The following DCDC2 variants were observed in gnomAD, a reference collection of about 807,000 sequenced individuals.
DCDC2 encodes doublecortin domain-containing protein 2.
In DCDC2, 40 loss-of-function variants were observed where a neutral mutation model predicts 50.2. That is an observed-to-expected ratio of 0.80 (90% CI 0.62 to 1.04). The LOEUF (loss-of-function observed/expected upper bound fraction) is 1.04, where lower values mean the gene tolerates loss of function less well. Among genes scored for constraint, DCDC2 ranks in the 50% least tolerant of loss-of-function variants. The pLI, the probability that DCDC2 is intolerant of heterozygous loss-of-function variation, is 0.00. For missense variants in DCDC2, 570 were observed against 581.9 expected (o/e 0.98, Z 0.21); for synonymous variants, 234 against 210.6 (o/e 1.11, Z -0.96).
At chr6:24,231,947 T>C (rs1219059144) in intron 7 of DCDC2, among the ~76,000 whole-genome samples, 1 of 151,946 alleles carries the variant, frequency 6.6e-6, no homozygotes, top group African/African-American at 2.4e-5. Context: ...ATACTCCCTT[T>C]CAAAAATGAC....
rs1465337362 is a variant in DCDC2, at chr6:24,220,845, T to C, written c.923-15743A>G. 2.5e-4 allele frequency among the ~76,000 whole-genome samples: 5 copies of C among 20,320 alleles called. No individual in the cohort carries two copies. In the South Asian group the frequency reaches 3.1e-3, roughly 12 times the overall value. The allele number at this position is 20,320 out of a possible 152,430, so 13.3% of individuals were successfully genotyped here. ...AAGGGGAAGCAAGTCACATCTTACATGGCGGCAGGAGAGAGACAGAGAGCA... is the reference window on the plus strand; with the variant it reads ...AAGGGGAAGCAAGTCACATCTTACACGGCGGCAGGAGAGAGACAGAGAGCA... On this transcript the variant is annotated intron_variant, in intron 7 of 9. Coordinates refer to ENST00000378454, the MANE Select transcript of DCDC2 (RefSeq NM_016356.5).
intron 6 of DCDC2, among the ~76,000 whole-genome samples, chr6:24,281,132 T>C (rs1170801889): frequency 2.0e-5 from 3 of 152,134 alleles, no homozygotes; most frequent in Admixed American, 6.5e-5. Context: ...ATCAAATTTC[T>C]GATAAAGACA....
At chr6:24,223,957 T>C (rs1309927351) in intron 7 of DCDC2, among the ~76,000 whole-genome samples, 2 of 152,244 alleles carry the variant, frequency 1.3e-5, no homozygotes, top group South Asian at 2.1e-4. Context: ...TTTCTATTTC[T>C]AATGACCTTG....
Position 24,174,430 on chromosome 6 carries a change from A to T in DCDC2, c.*300T>A. ...AACTTATAATAAAGCGTACAATAAG[A>T]GTGATCCTATTTTTCATCCTTTACA... On this transcript the variant is annotated 3_prime_UTR_variant, in exon 10 of 10. Coordinates refer to ENST00000378454, the MANE Select transcript of DCDC2 (RefSeq NM_016356.5). The T allele has an allele frequency of 4.9e-6, 1 of 202,716 alleles. No individual in the cohort carries two copies. Among genetic ancestry groups the T allele is most frequent in the Non-Finnish European group, 9.6e-6 (1 of 103,628 alleles). The allele number at this position is 202,716 out of a possible 1,614,324, so 12.6% of individuals were successfully genotyped here.
At chr6:24,218,697 C>G (rs1381061308) in intron 7 of DCDC2, among the ~76,000 whole-genome samples, 1 of 152,158 alleles carries the variant, frequency 6.6e-6, no homozygotes, top group African/African-American at 2.4e-5. Flanking sequence ...CTACATTGCC[C>G]AGGCTGGTCC....
intron 7 of DCDC2, among the ~76,000 whole-genome samples, chr6:24,206,223 T>C (rs1282872414): frequency 6.6e-6 from 1 of 152,140 alleles, no homozygotes; most frequent in Non-Finnish European, 1.5e-5. Context: ...GCCTAAGATA[T>C]GAATGAAATG....
At chr6:24,377,326 T>G in the DCDC2 span, among the ~76,000 whole-genome samples, 1 of 152,200 alleles carries the variant, frequency 6.6e-6, no homozygotes, top group Non-Finnish European at 1.5e-5. Flanking sequence ...TGCTCAATAT[T>G]TATTGGTAAT....
At chr6:24,358,899 A>ATATATT (rs1561788477), upstream of DCDC2, among the ~76,000 whole-genome samples, 212 of 21,492 alleles carry the variant, frequency 9.9e-3, 9 homozygotes, top group African/African-American at 0.043. Flanking sequence ...TTATATATAT[A>ATATATT]ATATATTATA....
intron 7 of DCDC2, among the ~76,000 whole-genome samples, chr6:24,277,617 T>G (rs1268545900): frequency 6.6e-6 from 1 of 152,216 alleles, no homozygotes; most frequent in African/African-American, 2.4e-5. Context: ...TATGTCTATT[T>G]AGTGTTCTCT....
intron 7 of DCDC2, among the ~76,000 whole-genome samples, chr6:24,245,410 A>C (rs1207482016): frequency 6.6e-6 from 1 of 152,182 alleles, no homozygotes; most frequent in African/African-American, 2.4e-5. Flanking sequence ...AAGTAGAAAG[A>C]AAGCTTGGCA....
Position 24,278,138 on chromosome 6 carries a change from C to T in DCDC2, c.833G>A (p.Gly278Glu). The part of the protein sequence containing the change: ...NSSPQPLKRK[G>E]KKEDVNSEKL... ...TTCTGAATTCACGTCTTCTTTTTTC[C>T]CTTTCCTCTTCAGGGGCTGAGGAGA... The change falls in exon 7 of 10, where the codon GGG becomes GAG. Residue 278 changes from glycine to glutamate, a missense_variant. Coordinates refer to ENST00000378454, the MANE Select transcript of DCDC2 (RefSeq NM_016356.5). 1 of 1,613,272 alleles carries T rather than the reference C, an allele frequency of 6.2e-7. No homozygotes were observed. Among genetic ancestry groups the T allele is most frequent in the Non-Finnish European group, 8.5e-7 (1 of 1,179,668 alleles).
intron 7 of DCDC2, among the ~76,000 whole-genome samples, chr6:24,254,755 A>C (rs558203620): frequency 4.6e-5 from 7 of 152,304 alleles, no homozygotes. Flanking sequence ...TATCAAAAAA[A>C]TAAAATATCA....
At chr6:24,346,998 A>G (rs1314662684) in intron 2 of DCDC2, among the ~76,000 whole-genome samples, 1 of 152,186 alleles carries the variant, frequency 6.6e-6, no homozygotes, top group African/African-American at 2.4e-5. Flanking sequence ...TAAGCAATGG[A>G]GATTCAAGCC....
At position 24,229,688 on chromosome 6, in the gene DCDC2, C is replaced by T. The variant is rs375662564; in HGVS notation, c.923-24586G>A. 2.2e-4 allele frequency among the ~76,000 whole-genome samples: 34 copies of T among 152,272 alleles called. 1 individual carries two copies. The highest frequency in any genetic ancestry group is 3.4e-3 in the Middle Eastern group (1 of 294). On this transcript the variant is annotated intron_variant, in intron 7 of 9. Coordinates refer to ENST00000378454, the MANE Select transcript of DCDC2 (RefSeq NM_016356.5). ...CTTCAGAATGCTCAAATTCTAATGACTTTTTAAAAATCCTCAACACTTATG... is the reference window on the plus strand; with the variant it reads ...CTTCAGAATGCTCAAATTCTAATGATTTTTTAAAAATCCTCAACACTTATG...
chr6:24,342,478 G>A (rs956257047), intron 2 of DCDC2, among the ~76,000 whole-genome samples: 5 of 152,340 alleles, frequency 3.3e-5, no homozygotes, highest in African/African-American at 1.2e-4. Context: ...GAGTGTGGCA[G>A]CTGGGCAGCG....
intron 6 of DCDC2, among the ~76,000 whole-genome samples, chr6:24,283,371 G>GCTCCCTGACCAACTCAGTTACGCAC (rs3840136): frequency 0.12 from 17,892 of 151,828 alleles, 1,067 homozygotes; most frequent in East Asian, 0.16. Context: ...CATTCCCCAG[G>GCTCCCTGACCAACTCAGTTACGCAC]CTCCCTGACC....
chr6:24,280,980 G>C (rs1763456937), intron 6 of DCDC2, among the ~76,000 whole-genome samples: 1 of 152,148 alleles, frequency 6.6e-6, no homozygotes, highest in Non-Finnish European at 1.5e-5. Flanking sequence ...CTGTAGCTCA[G>C]CAGGATCATT....
chr6:24,308,273 A>G (rs1314129067), intron 2 of DCDC2, among the ~76,000 whole-genome samples: 1 of 152,232 alleles, frequency 6.6e-6, no homozygotes, highest in African/African-American at 2.4e-5. Flanking sequence ...AATCTCACCA[A>G]TATTAACTCC....
chr6:24,235,583 T>C (rs535481689), intron 7 of DCDC2, among the ~76,000 whole-genome samples: 3 of 152,188 alleles, frequency 2.0e-5, no homozygotes, highest in Non-Finnish European at 4.4e-5. Context: ...TAAAAGCTTT[T>C]GATCAAAATC....
Sources: allele counts gnomAD v4.1 joint callset (sites outside exome capture counted in the v4.1 genomes callset), GRCh38; gene constraint gnomAD v4.1.1; transcripts MANE v1.5; gene names NCBI Gene and HGNC (gene_info 2026-07-23, HGNC 2026-07-21).